The following ZNF766 variants were observed in gnomAD, a reference collection of about 807,000 sequenced individuals.
ZNF766 encodes zinc finger protein 766.
Under a neutral mutation model 13.2 loss-of-function variants are expected in ZNF766, and 13 were observed. That is an observed-to-expected ratio of 0.98 (90% confidence interval 0.64 to 1.56). The LOEUF (loss-of-function observed/expected upper bound fraction) is 1.56, where lower values mean the gene tolerates loss of function less well. Ranked by LOEUF, ZNF766 falls within the 40% of genes most tolerant of loss-of-function variation. The pLI is 0.00. For synonymous variants in ZNF766, 178 were observed against 187.6 expected (o/e 0.95, Z 0.42); for missense variants, 521 against 552.2 (o/e 0.94, Z 0.57).
chr19:52,284,188 CAGAG>C (rs1981692878), intron 3 of ZNF766, among the ~76,000 whole-genome samples: 1 of 152,216 alleles, frequency 6.6e-6, no homozygotes, highest in Non-Finnish European at 1.5e-5. Flanking sequence ...CTGAGGGTCA[CAGAG>C]AGCGCTGCTT....
intron 3 of ZNF766, among the ~76,000 whole-genome samples, chr19:52,284,101 G>C (rs951046509): frequency 2.0e-5 from 3 of 152,234 alleles, no homozygotes; most frequent in African/African-American, 7.2e-5. Context: ...AGCCCAAACA[G>C]AGGCAAAAGC....
At position 52,277,275 on chromosome 19, in the gene ZNF766, C is replaced by T. The variant is rs534776170; in HGVS notation, c.19-4836C>T. On this transcript the variant is annotated intron_variant, in intron 1 of 3. Coordinates refer to ENST00000439461, the MANE Select transcript of ZNF766 (RefSeq NM_001010851.3). The stretch of plus-strand genomic sequence containing the variant: ...GAGATCAAGACCATCCTGGCTAACA[C>T]GGTGAAACCCCGTCTCTACTACGAA... The T allele has an allele frequency of 7.1e-5, 73 of 1,022,458 alleles. 1 individual carries two copies. In the South Asian group the frequency reaches 1.1e-3, roughly 16 times the overall value. The allele number at this position is 1,022,458 out of a possible 1,614,324, so 63.3% of individuals were successfully genotyped here.
chr19:52,272,284 A>G (rs1355291805), intron 1 of ZNF766, among the ~76,000 whole-genome samples: 1 of 151,734 alleles, frequency 6.6e-6, no homozygotes, highest in African/African-American at 2.4e-5. Flanking sequence ...TCCTATCCTC[A>G]TCTTTTCGTC....
intron 1 of ZNF766, among the ~76,000 whole-genome samples, chr19:52,279,685 G>C (rs1203978742): frequency 6.7e-6 from 1 of 150,034 alleles, no homozygotes; most frequent in African/African-American, 2.5e-5. Flanking sequence ...AACATAGTAA[G>C]ACCTCACATA....
intron 2 of ZNF766, 33 bp from the exon 3 acceptor site, chr19:52,283,252 A>T (rs968205640): frequency 6.2e-7 from 1 of 1,605,616 alleles, no homozygotes; most frequent in Non-Finnish European, 8.5e-7. Context: ...TGGAGACATC[A>T]CAGCACATCT....
In ZNF766 at chr19:52,290,604, C is replaced by CAAAT; in HGVS notation, c.814_817dup (p.Cys273Ter). The CAAAT allele has an allele frequency of 1.2e-6, 2 of 1,614,010 alleles. No individual in the cohort carries two copies. The highest frequency in any genetic ancestry group is 1.7e-6 in the Non-Finnish European group (2 of 1,179,972). Reference sequence around the variant, plus strand: ...AAGTGCATACTGGAGAGAGTCCTTACAAATGTAATGAGTGTGGCAAGGTCT... The same window carrying CAAAT: ...AAGTGCATACTGGAGAGAGTCCTTACAAATAAATGTAATGAGTGTGGCAAGGTCT... On this transcript the variant is annotated frameshift_variant, in exon 4 of 4. Coordinates refer to ENST00000439461, the MANE Select transcript of ZNF766 (RefSeq NM_001010851.3). LOFTEE classifies it low-confidence loss of function (END_TRUNC).
intron 3 of ZNF766, among the ~76,000 whole-genome samples, chr19:52,288,748 T>C (rs973106178): frequency 2.0e-5 from 3 of 151,654 alleles, no homozygotes; most frequent in Non-Finnish European, 4.4e-5. Context: ...CCAGCACTAT[T>C]TTTATTGCAT....
chr19:52,278,633 G>C (rs1981333972), intron 1 of ZNF766, among the ~76,000 whole-genome samples: 1 of 152,160 alleles, frequency 6.6e-6, no homozygotes, highest in Non-Finnish European at 1.5e-5. Context: ...CGGAACTTCT[G>C]ATGTCAGGTG....
Position 52,282,387 on chromosome 19 carries a change from G to A in ZNF766, c.145+150G>A. 6.4e-6 allele frequency: 6 copies of A among 931,444 alleles called. No homozygotes were observed. The East Asian group carries it at 2.2e-4, about 34-fold the overall frequency. The allele number at this position is 931,444 out of a possible 1,614,324, so 57.7% of individuals were successfully genotyped here. ...ACGGTGGCTCATGCCTGTAATCCCA[G>A]CACTTTGGGAGGCTGAGGTGGGTGG... On this transcript the variant is annotated intron_variant, in intron 2 of 3. Transcript: ENST00000439461.
Position 52,291,000 on chromosome 19 carries a change from A to C in ZNF766, c.1209A>C (p.Lys403Asn). Residue 403 changes from lysine to asparagine, a missense_variant, in exon 4 of 4, where the codon AAA becomes AAC. Physicochemically the swap from Lys to Asn is moderately conservative, Grantham distance 94. Coordinates refer to ENST00000439461, the MANE Select transcript of ZNF766 (RefSeq NM_001010851.3). ...TQVSHLARHQ[K>N]IHTGEKPYKC... ...TTTCACATCTTGCACGACATCAGAA[A>C]ATTCACACTGGAGAGAAACCTTACA... 6.2e-7 allele frequency: 1 copy of C among 1,614,156 alleles called. No individual in the cohort carries two copies. The highest frequency in any genetic ancestry group is 8.5e-7 in the Non-Finnish European group (1 of 1,180,030).
Position 52,282,155 on chromosome 19 carries a change from G to A in ZNF766, c.63G>A (p.Glu21=), listed in dbSNP as rs1421537340. 1 of 1,605,786 alleles carries A rather than the reference G, an allele frequency of 6.2e-7. No individual in the cohort carries two copies. Among genetic ancestry groups the A allele is most frequent in the East Asian group, 2.2e-5 (1 of 44,626 alleles). ...ACGTGGCCATAGAATTCTCTCAGGA[G>A]GAGTGGAAATGCCTGGACCCTGTGC... ...FRDVAIEFSQ[E]EWKCLDPVQK... The change falls in exon 2 of 4, where the codon GAG becomes GAA. Residue 21 remains glutamate, a synonymous_variant. Coordinates refer to ENST00000439461, the MANE Select transcript of ZNF766 (RefSeq NM_001010851.3).
intron 1 of ZNF766, chr19:52,281,783 A>G (rs1439010863): frequency 3.9e-6 from 2 of 506,772 alleles, no homozygotes. Flanking sequence ...AGTGTTAGGT[A>G]TTATGTTCGA....
At chr19:52,284,025 G>A (rs1335782541) in intron 3 of ZNF766, among the ~76,000 whole-genome samples, 3 of 152,200 alleles carry the variant, frequency 2.0e-5, no homozygotes, top group African/African-American at 4.8e-5. Flanking sequence ...GTCAGCCACC[G>A]CGCCCAGCCC....
chr19:52,278,756 T>C (rs1407160444), intron 1 of ZNF766, among the ~76,000 whole-genome samples: 4 of 152,194 alleles, frequency 2.6e-5, no homozygotes, highest in African/African-American at 7.2e-5. Flanking sequence ...TTAAGTTCCT[T>C]GTAGATGCTG....
intron 1 of ZNF766, chr19:52,277,332 A>G (rs1271838002): frequency 1.7e-5 from 16 of 921,982 alleles, no homozygotes; most frequent in Non-Finnish European, 2.5e-5. Flanking sequence ...GTTGGCGGGC[A>G]CCTGTAGTCC....
Position 52,290,810 on chromosome 19 carries a change from C to G in ZNF766, c.1019C>G (p.Ser340Ter). 6.2e-7 allele frequency: 1 copy of G among 1,613,788 alleles called. No homozygotes were observed. Among genetic ancestry groups the G allele is most frequent in the South Asian group, 1.1e-5 (1 of 91,058 alleles). ...TGTGGCAAAGAATTTAGTGGGCATTCAAGCCTCACCACCCATCTGTTAATC... is the reference window on the plus strand; with the variant it reads ...TGTGGCAAAGAATTTAGTGGGCATTGAAGCCTCACCACCCATCTGTTAATC... ...NKCGKEFSGHSSLTTHLLIHT... is the reference protein window; with the variant it reads ...NKCGKEFSGH Residue 340 changes from serine to a stop codon, truncating the protein, a stop_gained, in exon 4 of 4, where the codon TCA becomes TGA. Transcript: ENST00000439461. LOFTEE classifies it low-confidence loss of function (END_TRUNC).
At chr19:52,280,472 A>G (rs1981448061) in intron 1 of ZNF766, among the ~76,000 whole-genome samples, 1 of 152,190 alleles carries the variant, frequency 6.6e-6, no homozygotes, top group Admixed American at 6.5e-5. Context: ...TTTATAAACT[A>G]AGTGTGTGTA....
intron 1 of ZNF766, chr19:52,274,354 C>G (rs1411821445): frequency 6.6e-6 from 1 of 152,518 alleles, no homozygotes; most frequent in Non-Finnish European, 1.5e-5. Context: ...TACACTGGAG[C>G]TGAAAAATTC....
chr19:52,283,209 C>A lies in ZNF766; in HGVS notation c.146-76C>A, dbSNP rs990887888. 23 of 1,520,172 alleles carry A rather than the reference C, an allele frequency of 1.5e-5. No individual in the cohort carries two copies. The East Asian group carries it at 2.3e-4, about 15-fold the overall frequency. The allele number at this position is 1,520,172 out of a possible 1,614,324, so 94.2% of individuals were successfully genotyped here. A position where few individuals can be genotyped will look rare whatever the true frequency, so the allele number is the denominator to read the frequency against. ...GCTTTAAAGGATTAATTTTTAATAT[C>A]ATCTCTGCTGCCTAAACAGAGGGCT... On this transcript the variant is annotated intron_variant, in intron 2 of 3. Coordinates refer to ENST00000439461, the MANE Select transcript of ZNF766 (RefSeq NM_001010851.3).
Sources: allele counts gnomAD v4.1 joint callset (sites outside exome capture counted in the v4.1 genomes callset), GRCh38; gene constraint gnomAD v4.1.1; transcripts MANE v1.5; gene names NCBI Gene and HGNC (gene_info 2026-07-23, HGNC 2026-07-21).